CNTNAP2: variants seen among roughly 807,000 people sequenced by gnomAD.
CNTNAP2 encodes the protein contactin associated protein 2.
In CNTNAP2, 98 loss-of-function variants were observed where a neutral mutation model predicts 155.2. That is an observed-to-expected ratio of 0.63 (90% CI 0.54 to 0.75). The LOEUF is 0.75. CNTNAP2 is among the 30% of genes least tolerant of loss of function. CNTNAP2 has a pLI of 0.00. For synonymous variants in CNTNAP2, 651 were observed against 631.2 expected (o/e 1.03, Z -0.47); for missense variants, 1,727 against 1,688.1 (o/e 1.02, Z -0.40).
intron 3 of CNTNAP2, among the ~76,000 whole-genome samples, chr7:147,017,454 A>G (rs1330775063): frequency 6.6e-6 from 1 of 152,062 alleles, no homozygotes; most frequent in Non-Finnish European, 1.5e-5. Flanking sequence ...ATATGCTATA[A>G]CTGCCTACCT....
chr7:146,788,949 A>T (rs1802626010), intron 2 of CNTNAP2, among the ~76,000 whole-genome samples: 1 of 152,166 alleles, frequency 6.6e-6, no homozygotes, highest in South Asian at 2.1e-4. Flanking sequence ...ACCTGAAGAC[A>T]TGTCCTGTGT....
chr7:146,351,779 T>G (rs1794918354), intron 1 of CNTNAP2, among the ~76,000 whole-genome samples: 1 of 152,194 alleles, frequency 6.6e-6, no homozygotes, highest in Middle Eastern at 3.2e-3. Context: ...ACTTTATTGC[T>G]GTGACAAAAA....
At chr7:146,545,004 G>T (rs1347771111) in intron 1 of CNTNAP2, among the ~76,000 whole-genome samples, 10 of 151,910 alleles carry the variant, frequency 6.6e-5, no homozygotes. Flanking sequence ...AAGCAAAAAG[G>T]TGTTTAGGCA....
intron 1 of CNTNAP2, among the ~76,000 whole-genome samples, chr7:146,322,546 T>C: frequency 6.6e-6 from 1 of 150,552 alleles, no homozygotes; most frequent in Admixed American, 6.6e-5. Context: ...AACATACAAA[T>C]TTAAATTTGG....
intron 15 of CNTNAP2, among the ~76,000 whole-genome samples, chr7:147,981,786 GGTGTGT>G (rs57272792): frequency 1.5e-4 from 21 of 143,764 alleles, no homozygotes; most frequent in South Asian, 4.6e-4. Flanking sequence ...TGTCCTTACA[GGTGTGT>G]GTGTGTGTGT....
intron 21 of CNTNAP2, among the ~76,000 whole-genome samples, chr7:148,364,050 G>A (rs1024197380): frequency 2.0e-4 from 31 of 152,350 alleles, no homozygotes; most frequent in African/African-American, 7.5e-4. Flanking sequence ...TTCCCATGGG[G>A]CAGGGCTCGG....
intron 10 of CNTNAP2, among the ~76,000 whole-genome samples, chr7:147,417,145 CT>C (rs980942047): frequency 6.6e-6 from 1 of 151,830 alleles, no homozygotes; most frequent in Admixed American, 6.6e-5. Flanking sequence ...TCATCTTTGC[CT>C]TTTGACTGTA....
intron 2 of CNTNAP2, among the ~76,000 whole-genome samples, chr7:146,823,834 T>G (rs1470809902): frequency 1.3e-5 from 2 of 152,074 alleles, no homozygotes; most frequent in African/African-American, 4.8e-5. Flanking sequence ...TTGAGATTTA[T>G]AACTTGGACC....
intron 3 of CNTNAP2, among the ~76,000 whole-genome samples, chr7:146,957,525 G>C: frequency 6.6e-6 from 1 of 152,140 alleles, no homozygotes; most frequent in East Asian, 1.9e-4. Flanking sequence ...ATACACAAAA[G>C]CATAGAGTAA....
chr7:146,514,161 C>T (rs1000119512), intron 1 of CNTNAP2, among the ~76,000 whole-genome samples: 6 of 151,988 alleles, frequency 3.9e-5, no homozygotes, highest in African/African-American at 1.4e-4. Flanking sequence ...TTAGGATTCT[C>T]TCTTTGCCTT....
At chr7:147,006,277 A>T (rs1178666622) in intron 3 of CNTNAP2, among the ~76,000 whole-genome samples, 2 of 152,102 alleles carry the variant, frequency 1.3e-5, no homozygotes, top group Non-Finnish European at 2.9e-5. Context: ...GGGTTGTTTT[A>T]GTGAGGTTTG....
At chr7:146,585,751 G>GAAAGAAAGAAAGAAAGAAA (rs1491504474) in intron 1 of CNTNAP2, among the ~76,000 whole-genome samples, 1 of 146,006 alleles carries the variant, frequency 6.8e-6, no homozygotes, top group East Asian at 2.0e-4. Flanking sequence ...AAAGAAAGAA[G>GAAAGAAAGAAAGAAAGAAA]GAAAGAAAGA....
chr7:147,233,529 A>G (rs1803731321), intron 8 of CNTNAP2, among the ~76,000 whole-genome samples: 1 of 152,054 alleles, frequency 6.6e-6, no homozygotes, highest in Admixed American at 6.6e-5. Flanking sequence ...GTGTTATTTA[A>G]GTATTATATT....
At chr7:146,598,568 T>C (rs1197269966) in intron 1 of CNTNAP2, among the ~76,000 whole-genome samples, 1 of 152,090 alleles carries the variant, frequency 6.6e-6, no homozygotes, top group African/African-American at 2.4e-5. Flanking sequence ...ACATTCCTCA[T>C]TTATGGACCT....
intron 18 of CNTNAP2, among the ~76,000 whole-genome samples, chr7:148,207,547 G>T (rs544473578): frequency 6.6e-6 from 1 of 152,328 alleles, no homozygotes; most frequent in African/African-American, 2.4e-5. Flanking sequence ...TTTGGCAGGG[G>T]AGTCATGGGA....
At chr7:146,486,304 T>C (rs1254018079) in intron 1 of CNTNAP2, among the ~76,000 whole-genome samples, 2 of 152,092 alleles carry the variant, frequency 1.3e-5, no homozygotes, top group Non-Finnish European at 2.9e-5. Context: ...GACCTCGTGA[T>C]CCGCCTGCCT....
At chr7:146,301,346 C>T (rs905513292) in intron 1 of CNTNAP2, among the ~76,000 whole-genome samples, 3 of 151,936 alleles carry the variant, frequency 2.0e-5, no homozygotes, top group African/African-American at 2.4e-5. Context: ...ACATGGTGAC[C>T]GGGCACAGTG....
chr7:147,322,683 C>T (rs928583161), intron 9 of CNTNAP2, among the ~76,000 whole-genome samples: 8 of 143,800 alleles, frequency 5.6e-5, no homozygotes, highest in African/African-American at 1.6e-4. Context: ...TGGTAGAATT[C>T]GGCTGTGAAT....
chr7:148,244,400 T>C (rs1796216625), intron 20 of CNTNAP2, among the ~76,000 whole-genome samples: 1 of 152,174 alleles, frequency 6.6e-6, no homozygotes, highest in African/African-American at 2.4e-5. Flanking sequence ...TTTAGGAAGG[T>C]TGGTAATCTT....
Sources: allele counts gnomAD v4.1 joint callset (sites outside exome capture counted in the v4.1 genomes callset), GRCh38; gene constraint gnomAD v4.1.1; transcripts MANE v1.5; gene names NCBI Gene and HGNC (gene_info 2026-07-23, HGNC 2026-07-21).